SHISAL2A: variants seen among roughly 807,000 people sequenced by gnomAD.
The protein encoded by SHISAL2A is protein shisa-like-2A.
SHISAL2A carries 18 observed loss-of-function variants against 11.5 expected under a neutral mutation model. The ratio of observed to expected loss-of-function variants is 1.57; its 90% CI spans 1.08 to 2.33. The LOEUF (loss-of-function observed/expected upper bound fraction) is 2.33, where lower values mean the gene tolerates loss of function less well. SHISAL2A is among the 30% of genes most tolerant of loss of function. SHISAL2A has a pLI of 0.00. For missense variants in SHISAL2A, 261 were observed against 250.9 expected (o/e 1.04, Z -0.27); for synonymous variants, 94 against 99.6 (o/e 0.94, Z 0.34).
intron 2 of SHISAL2A, among the ~76,000 whole-genome samples, chr1:52,654,614 T>C (rs888306722): frequency 3.9e-5 from 6 of 152,112 alleles, no homozygotes; most frequent in Non-Finnish European, 7.3e-5. Flanking sequence ...AAATAAACCT[T>C]TACCTAGATC....
chr1:52,664,117 C>T (rs1691961562), intron 4 of SHISAL2A, among the ~76,000 whole-genome samples: 1 of 152,100 alleles, frequency 6.6e-6, no homozygotes, highest in African/African-American at 2.4e-5. Context: ...GTATCGAAAC[C>T]TTGGCATATG....
chr1:52,639,074 G>A (rs1325434662), intron 1 of SHISAL2A, among the ~76,000 whole-genome samples: 1 of 152,152 alleles, frequency 6.6e-6, no homozygotes, highest in Non-Finnish European at 1.5e-5. Flanking sequence ...TCAACAGGCT[G>A]AGGCAGGAGG....
At chr1:52,658,875 A>C (rs568727317), downstream of SHISAL2A, among the ~76,000 whole-genome samples, 2 of 152,334 alleles carry the variant, frequency 1.3e-5, no homozygotes, top group South Asian at 4.1e-4. Context: ...ATTTGGCAAC[A>C]GTGAAAGAGT....
chr1:52,633,072 GC>G (rs1174488339), upstream of SHISAL2A, among the ~76,000 whole-genome samples: 3 of 151,554 alleles, frequency 2.0e-5, no homozygotes, highest in Admixed American at 1.3e-4. This position sits in a 1 kb window ranked among gnomAD's most constrained non-coding sequence, Gnocchi z 6.4. Flanking sequence ...TCGAATTCCC[GC>G]CCCGCCACTC....
chr1:52,669,137 G>T (rs1362151307), exon 6 of SHISAL2A: 2 of 135,374 alleles, frequency 1.5e-5, no homozygotes, highest in African/African-American at 5.8e-5. Flanking sequence ...CAGCCAATTG[G>T]ATCTTTTTTT....
intron 2 of SHISAL2A, among the ~76,000 whole-genome samples, chr1:52,655,118 G>A (rs1691761459): frequency 6.6e-6 from 1 of 151,976 alleles, no homozygotes; most frequent in South Asian, 2.1e-4. Context: ...CCCAGGAAAT[G>A]GAGGTTGTGG....
At chr1:52,656,706 G>T (rs1048491498) in intron 2 of SHISAL2A, 84 bp from the exon 3 acceptor site, 8 of 1,468,708 alleles carry the variant, frequency 5.4e-6, no homozygotes, top group Non-Finnish European at 7.4e-6. Context: ...CACTGCCCAA[G>T]GTAAGCACCA....
chr1:52,650,957 T>C (rs1349535829), intron 2 of SHISAL2A, among the ~76,000 whole-genome samples: 1 of 151,736 alleles, frequency 6.6e-6, no homozygotes, highest in Non-Finnish European at 1.5e-5. Flanking sequence ...ACCTTTTTTT[T>C]TTTTTTAACA....
chr1:52,665,742 C>G (rs368155625), intron 4 of SHISAL2A, among the ~76,000 whole-genome samples: 1 of 152,278 alleles, frequency 6.6e-6, no homozygotes, highest in East Asian at 1.9e-4. Flanking sequence ...ACCATCCCCC[C>G]CCACTTCCCT....
At chr1:52,651,041 A>G (rs1028448108) in intron 2 of SHISAL2A, among the ~76,000 whole-genome samples, 1 of 151,844 alleles carries the variant, frequency 6.6e-6, no homozygotes, top group Non-Finnish European at 1.5e-5. Flanking sequence ...TCACATTAAC[A>G]GAGTATAAGG....
At chr1:52,652,965 C>CAAAAAAAAAAA (rs36154490) in intron 2 of SHISAL2A, among the ~76,000 whole-genome samples, 10 of 22,380 alleles carry the variant, frequency 4.5e-4, no homozygotes, top group African/African-American at 2.2e-3. Flanking sequence ...GACTCTGTCT[C>CAAAAAAAAAAA]AAAAAAAAAA....
At chr1:52,662,506 G>T (rs564112419) in intron 4 of SHISAL2A, among the ~76,000 whole-genome samples, 2 of 150,930 alleles carry the variant, frequency 1.3e-5, no homozygotes, top group Non-Finnish European at 3.0e-5. Flanking sequence ...CAATATGCCC[G>T]GCTAATTTTT....
chr1:52,662,852 T>C (rs1488518031), intron 4 of SHISAL2A, among the ~76,000 whole-genome samples: 5 of 152,182 alleles, frequency 3.3e-5, no homozygotes, highest in African/African-American at 9.6e-5. Flanking sequence ...GGAGGAAGAC[T>C]GCTAGGTTAA....
At chr1:52,662,340 T>TTTTA (rs1205028577) in intron 4 of SHISAL2A, among the ~76,000 whole-genome samples, 84 of 151,742 alleles carry the variant, frequency 5.5e-4, no homozygotes, top group South Asian at 8.3e-4. Flanking sequence ...TTTTATTTTA[T>TTTTA]TTTATTTATT....
At chr1:52,637,923 G>T (rs1691272911) in intron 1 of SHISAL2A, among the ~76,000 whole-genome samples, 1 of 152,074 alleles carries the variant, frequency 6.6e-6, no homozygotes, top group South Asian at 2.1e-4. Flanking sequence ...CCTACCCAGG[G>T]TAGGAATCTC....
intron 2 of SHISAL2A, among the ~76,000 whole-genome samples, chr1:52,644,197 A>ATTT (rs1691439761): frequency 6.6e-6 from 1 of 152,228 alleles, no homozygotes; most frequent in Non-Finnish European, 1.5e-5. Flanking sequence ...GTTTGATACA[A>ATTT]AGTGTAGGGA....
Position 52,656,912 on chromosome 1 carries a change from G to A in SHISAL2A, c.445G>A (p.Gly149Arg). The A allele has an allele frequency of 6.2e-7, 1 of 1,614,152 alleles. No individual in the cohort carries two copies. The highest frequency in any genetic ancestry group is 8.5e-7 in the Non-Finnish European group (1 of 1,180,016). ...CLNPQLESNEGQAVNSKRLLH... is the reference protein window; with the variant it reads ...CLNPQLESNERQAVNSKRLLH... ...GAACCCGCAGCTGGAGAGCAATGAG[G>A]GGCAGGCTGTGAACTCCAAACGCCT... Residue 149 changes from glycine to arginine, a missense_variant, in exon 3 of 3, where the codon GGG becomes AGG. Transcript: ENST00000517870.
Position 52,633,184 on chromosome 1 carries a change from G to A in SHISAL2A, c.-310G>A, listed in dbSNP as rs994213868. On this transcript the variant is annotated 5_prime_UTR_variant, in exon 1 of 3. Transcript: ENST00000517870. The surrounding 1 kb of genome is among the most constrained non-coding windows in gnomAD (Gnocchi z 6.4). ...AGCGCAGGCAGAGCCAGGCGAGCAC[G>A]CGGCTCCCGGCCCAGCTCCCCGCGT... 6.6e-6 allele frequency among the ~76,000 whole-genome samples: 1 copy of A among 152,082 alleles called. No homozygotes were observed. The highest frequency in any genetic ancestry group is 2.4e-5 in the African/African-American group (1 of 41,440).
exon 5 of SHISAL2A, chr1:52,667,477 C>CATCACT (rs945222485): frequency 4.7e-6 from 2 of 423,076 alleles, no homozygotes; most frequent in African/African-American, 4.5e-5. Context: ...AGATCATCAC[C>CATCACT]ATCACCATCA....
Sources: gnomAD v4.1 joint callset for allele counts (sites outside exome capture counted in the v4.1 genomes callset) on GRCh38, gnomAD v4.1.1 for gene constraint, Gnocchi (gnomAD v3.1) non-coding constraint, MANE v1.5 for transcripts, NCBI Gene and HGNC (gene_info 2026-07-23, HGNC 2026-07-21) for gene names.